CPZ: variants seen among roughly 807,000 people sequenced by gnomAD.
CPZ encodes the protein VEZT/CPZ fusion.
A neutral mutation model predicts 61.8 loss-of-function variants in CPZ; 103 were observed. The ratio of observed to expected loss-of-function variants is 1.67; its 90% confidence interval spans 1.42 to 1.96. CPZ has a LOEUF of 1.96. Ranked by LOEUF, CPZ falls within the 30% of genes most tolerant of loss-of-function variation. CPZ has a pLI of 0.00. For missense variants in CPZ, 1,461 were observed against 914.9 expected (o/e 1.60, Z -7.70); for synonymous variants, 551 against 373.7 (o/e 1.47, Z -5.47).
At chr4:8,609,102 AC>A (rs1715334364) in intron 7 of CPZ, among the ~76,000 whole-genome samples, 1 of 10,636 alleles carries the variant, frequency 9.4e-5, no homozygotes, top group Non-Finnish European at 2.4e-4. Context: ...TCACTCACTC[AC>A]TCCCTTCCTC....
chr4:8,619,618 C>T lies in CPZ; in HGVS notation c.*1C>T. 1 of 1,487,882 alleles carries T rather than the reference C, an allele frequency of 6.7e-7. No homozygotes were observed. The highest frequency in any genetic ancestry group is 8.9e-7 in the Non-Finnish European group (1 of 1,120,630). 92.2% of individuals were successfully genotyped at this position (1,487,882 alleles called of 1,614,324 possible). A position where few individuals can be genotyped will look rare whatever the true frequency, so the allele number is the denominator to read the frequency against. Reference sequence around the variant, plus strand: ...GCCACGCTGGCTGCTCAAGTACTAGCCCCGGCCCCAGCACCCGCCAGGATG... The same window carrying T: ...GCCACGCTGGCTGCTCAAGTACTAGTCCCGGCCCCAGCACCCGCCAGGATG... On this transcript the variant is annotated 3_prime_UTR_variant, in exon 11 of 11. Coordinates refer to ENST00000360986, the MANE Select transcript of CPZ (RefSeq NM_001014447.3).
At chr4:8,607,187 A>G in intron 6 of CPZ, 80 bp from the exon 7 acceptor site, 1 of 1,488,724 alleles carries the variant, frequency 6.7e-7, no homozygotes, top group South Asian at 1.3e-5. Context: ...TGGAGCCCAG[A>G]GGGCTGCTGA....
chr4:8,618,560 C>G (rs553249668), intron 10 of CPZ, 32 bp downstream of exon 10: 5 of 1,550,184 alleles, frequency 3.2e-6, no homozygotes, highest in South Asian at 2.4e-5. Context: ...CCCTGGGGAC[C>G]ACGTCTGCCA....
intron 1 of CPZ, among the ~76,000 whole-genome samples, chr4:8,597,834 C>G (rs997143162): frequency 8.5e-5 from 13 of 152,184 alleles, no homozygotes; most frequent in African/African-American, 3.1e-4. Flanking sequence ...TCACAGTATT[C>G]CTACAAAATG....
chr4:8,618,148 A>C, intron 9 of CPZ: 1 of 444,260 alleles, frequency 2.3e-6, no homozygotes, highest in Non-Finnish European at 4.1e-6. Context: ...TCTCTGCTCA[A>C]TGCCCATAGA....
intron 9 of CPZ, among the ~76,000 whole-genome samples, chr4:8,616,312 C>T (rs1716154753): frequency 6.6e-6 from 1 of 152,128 alleles, no homozygotes; most frequent in African/African-American, 2.4e-5. Flanking sequence ...GCTCTCTTTC[C>T]CCACCAGAGA....
At chr4:8,610,345 C>A (rs1412594477) in intron 7 of CPZ, among the ~76,000 whole-genome samples, 1 of 152,216 alleles carries the variant, frequency 6.6e-6, no homozygotes, top group Non-Finnish European at 1.5e-5. Flanking sequence ...CCCTGCACCC[C>A]AGGGTTTTGG....
rs1560291256 is a variant in CPZ at position 8,601,309 on chromosome 4, C to T, written c.308C>T (p.Ala103Val). 2 of 1,611,176 alleles carry T rather than the reference C, an allele frequency of 1.2e-6. No individual in the cohort carries two copies. Among genetic ancestry groups the T allele is most frequent in the Non-Finnish European group, 8.5e-7 (1 of 1,178,272 alleles). ...CNPDLRLLGC[A>V]VLAPRCEGGW... ...CCGGACCTGCGGCTGCTGGGCTGTG[C>T]TGTGCTGGCCCCCCGGTGTGAGGGC... Residue 103 changes from alanine to valine, a missense_variant, in exon 3 of 11, where the codon GCT becomes GTT. Coordinates refer to ENST00000360986, the MANE Select transcript of CPZ (RefSeq NM_001014447.3).
chr4:8,600,748 G>A (rs960385217), intron 2 of CPZ, among the ~76,000 whole-genome samples: 1 of 152,248 alleles, frequency 6.6e-6, no homozygotes, highest in Admixed American at 6.5e-5. Context: ...GTGTCTTTTG[G>A]GACGTCTTTG....
rs1411430262 is a variant in CPZ at position 8,619,443 on chromosome 4, G to A, written c.1785G>A (p.Leu595=). The A allele has an allele frequency of 4.3e-6, 7 of 1,613,666 alleles. No individual in the cohort carries two copies. The highest frequency in any genetic ancestry group is 2.7e-5 in the African/African-American group (2 of 75,056). The part of the protein sequence containing the change: ...GMGPKNFIHG[L]RRTGPHDPLG... Reference sequence around the variant, plus strand: ...GACCCAAGAACTTTATTCATGGGCTGCGGAGGACTGGGCCCCACGACCCAC... The same window carrying A: ...GACCCAAGAACTTTATTCATGGGCTACGGAGGACTGGGCCCCACGACCCAC... The change falls in exon 11 of 11, where the codon CTG becomes CTA. Residue 595 remains leucine (L), a synonymous_variant. Coordinates refer to ENST00000360986, the MANE Select transcript of CPZ (RefSeq NM_001014447.3).
Position 8,601,108 on chromosome 4 carries a change from AC to A in CPZ, c.122-12del. ...CACTGCAGGAGGGACTGACCTGCCG[AC>A]CCTGCCTCCCCAGCCACCTGCGTGG... On this transcript the variant is annotated splice_polypyrimidine_tract_variant and intron_variant, in intron 2 of 10. Coordinates refer to ENST00000360986, the MANE Select transcript of CPZ (RefSeq NM_001014447.3). The A allele has an allele frequency of 6.4e-7, 1 of 1,555,968 alleles. No individual in the cohort carries two copies. Among genetic ancestry groups the A allele is most frequent in the Non-Finnish European group, 8.7e-7 (1 of 1,145,296 alleles).
intron 4 of CPZ, 112 bp from the exon 5 acceptor site, chr4:8,605,877 A>G: frequency 9.5e-7 from 1 of 1,051,882 alleles, no homozygotes; most frequent in East Asian, 2.5e-5. Flanking sequence ...AGTCAAAACA[A>G]GTATGAATTG....
intron 1 of CPZ, among the ~76,000 whole-genome samples, chr4:8,595,385 A>T (rs545822307): frequency 1.3e-5 from 2 of 152,312 alleles, no homozygotes; most frequent in South Asian, 2.1e-4. Flanking sequence ...GTGGGGAAGC[A>T]ATGGTGAATA....
intron 1 of CPZ, among the ~76,000 whole-genome samples, chr4:8,596,554 G>A (rs945049079): frequency 5.3e-5 from 8 of 152,204 alleles, no homozygotes; most frequent in South Asian, 2.1e-4. Flanking sequence ...TCCTGCCCAC[G>A]ATATGCCCCA....
At chr4:8,612,821 G>C (rs543229706) in intron 8 of CPZ, among the ~76,000 whole-genome samples, 86 of 152,332 alleles carry the variant, frequency 5.6e-4, no homozygotes, top group Middle Eastern at 3.4e-3. Context: ...GCTGAGAGAA[G>C]GACTTGCTGG....
At chr4:8,608,066 C>T (rs1274064001) in intron 7 of CPZ, among the ~76,000 whole-genome samples, 4 of 145,544 alleles carry the variant, frequency 2.7e-5, no homozygotes, top group African/African-American at 9.9e-5. Flanking sequence ...CGGAGTTGGT[C>T]CGTTCCCACA....
chr4:8,607,210 G>T lies in CPZ; in HGVS notation c.1069-57G>T, dbSNP rs1715109113. On this transcript the variant is annotated intron_variant, in intron 6 of 10. Coordinates refer to ENST00000360986, the MANE Select transcript of CPZ (RefSeq NM_001014447.3). ...AGAGGGCTGCTGAAGCCCAGGGCATGGCTGCGGGCCAGTGGGAAAGCCCAG... is the reference window on the plus strand; with the variant it reads ...AGAGGGCTGCTGAAGCCCAGGGCATTGCTGCGGGCCAGTGGGAAAGCCCAG... The T allele has an allele frequency of 2.5e-6, 4 of 1,573,932 alleles. No homozygotes were observed. In the Admixed American group the frequency reaches 5.3e-5, roughly 21 times the overall value.
At chr4:8,613,664 G>C (rs924161234) in intron 8 of CPZ, among the ~76,000 whole-genome samples, 1 of 152,216 alleles carries the variant, frequency 6.6e-6, no homozygotes, top group African/African-American at 2.4e-5. Flanking sequence ...CTTGGAGATG[G>C]TCATGGCTTC....
chr4:8,617,992 G>A (rs73213401), intron 9 of CPZ: 8 of 196,180 alleles, frequency 4.1e-5, no homozygotes, highest in South Asian at 2.1e-4. Context: ...CGCGCTGCTC[G>A]AGCGAGGGTC....
Sources: gnomAD v4.1 joint callset for allele counts (sites outside exome capture counted in the v4.1 genomes callset) on GRCh38, gnomAD v4.1.1 for gene constraint, MANE v1.5 for transcripts, NCBI Gene and HGNC (gene_info 2026-07-23, HGNC 2026-07-21) for gene names.